The following NBAS variants were observed in gnomAD, a reference collection of about 807,000 sequenced individuals.
NBAS encodes the protein NAG/BC035112 fusion.
A neutral mutation model predicts 302.5 loss-of-function variants in NBAS; 219 were observed. The ratio of observed to expected loss-of-function variants is 0.72; its 90% CI spans 0.65 to 0.81. NBAS has a LOEUF of 0.81. NBAS is among the 30% of genes least tolerant of loss of function. The probability of loss-of-function intolerance (pLI) is 0.00; values close to 1 mark genes in which losing one functional copy is unlikely to be tolerated. For missense variants in NBAS, 2,932 were observed against 2,841.6 expected (o/e 1.03, Z -0.72); for synonymous variants, 1,118 against 1,021.6 (o/e 1.09, Z -1.80).
At chr2:15,128,954 A>T in the NBAS span, among the ~76,000 whole-genome samples, 1 of 152,176 alleles carries the variant, frequency 6.6e-6, no homozygotes, top group Admixed American at 6.5e-5. Flanking sequence ...GGAACTGTGG[A>T]GATAGAGGGA....
the NBAS span, among the ~76,000 whole-genome samples, chr2:15,052,933 G>A: frequency 2.0e-5 from 3 of 152,102 alleles, no homozygotes; most frequent in African/African-American, 7.2e-5. Flanking sequence ...AAATTCTGAA[G>A]GGGAAGAACA....
intron 9 of NBAS, among the ~76,000 whole-genome samples, chr2:15,529,876 T>G (rs1429532181): frequency 2.0e-5 from 3 of 152,240 alleles, no homozygotes; most frequent in African/African-American, 7.2e-5. Flanking sequence ...ATTTTATAAT[T>G]GTAATATGTT....
At chr2:15,429,691 G>A (rs368832002) in intron 21 of NBAS, among the ~76,000 whole-genome samples, 4 of 152,058 alleles carry the variant, frequency 2.6e-5, no homozygotes, top group African/African-American at 7.2e-5. Context: ...TTATTATATC[G>A]TGTATCTAAA....
Position 15,234,717 on chromosome 2 carries a change from C to G in NBAS, c.5974G>C (p.Asp1992His). ...ETLQKYSHLYDLSRSEKEKLH... is the reference protein window; with the variant it reads ...ETLQKYSHLYHLSRSEKEKLH... Reference sequence around the variant, plus strand: ...TTCTCTTTTTCTGATCGGGACAGATCATAGAGGTGACTGTATTTTTGCAGT... The same window carrying G: ...TTCTCTTTTTCTGATCGGGACAGATGATAGAGGTGACTGTATTTTTGCAGT... Residue 1992 changes from aspartate to histidine, a missense_variant, in exon 46 of 52, where the codon GAT becomes CAT. Transcript: ENST00000281513. 6.2e-7 allele frequency: 1 copy of G among 1,614,118 alleles called. No individual in the cohort carries two copies.
intron 34 of NBAS, 65 bp from the exon 35 acceptor site, chr2:15,352,146 T>A: frequency 8.8e-7 from 1 of 1,129,952 alleles, no homozygotes; most frequent in Non-Finnish European, 1.3e-6. Context: ...CATCACAATA[T>A]AGGCTTGAAA....
intron 42 of NBAS, among the ~76,000 whole-genome samples, chr2:15,286,288 T>C (rs1350626144): frequency 1.3e-5 from 2 of 152,154 alleles, no homozygotes; most frequent in Non-Finnish European, 2.9e-5. Flanking sequence ...ACCCTAACTT[T>C]CCTAACATCT....
At chr2:15,136,695 C>A in the NBAS span, among the ~76,000 whole-genome samples, 4 of 152,138 alleles carry the variant, frequency 2.6e-5, no homozygotes, top group South Asian at 8.3e-4. Context: ...GCTCTTTGTC[C>A]CCACCCAAAT....
At chr2:15,204,540 G>A (rs944674774) in intron 48 of NBAS, among the ~76,000 whole-genome samples, 3 of 152,050 alleles carry the variant, frequency 2.0e-5, no homozygotes, top group Admixed American at 1.3e-4. Context: ...AAATCATGCT[G>A]CTATAAAGAC....
Position 15,360,209 on chromosome 2 carries a change from C to T in NBAS, c.3818-3793G>A, listed in dbSNP as rs367563913. Among the ~76,000 whole-genome samples the T allele has an allele frequency of 1.5e-4, 22 of 151,574 alleles. No individual in the cohort carries two copies. In the South Asian group the frequency reaches 3.5e-3, roughly 24 times the overall value. ...TTGGGTGGTGAGTGAATGTGAAGGCCGAGGATATGACTGTACACTACTGCA... is the reference window on the plus strand; with the variant it reads ...TTGGGTGGTGAGTGAATGTGAAGGCTGAGGATATGACTGTACACTACTGCA... On this transcript the variant is annotated intron_variant, in intron 32 of 51. Transcript: ENST00000281513.
At chr2:15,194,367 C>T (rs1486011059) in intron 48 of NBAS, among the ~76,000 whole-genome samples, 1 of 151,952 alleles carries the variant, frequency 6.6e-6, no homozygotes, top group Non-Finnish European at 1.5e-5. Flanking sequence ...ATTTATTATC[C>T]AAAATCATGG....
the NBAS span, among the ~76,000 whole-genome samples, chr2:15,148,471 A>G: frequency 6.6e-6 from 1 of 152,166 alleles, no homozygotes; most frequent in Non-Finnish European, 1.5e-5. Flanking sequence ...GGAGAACAAG[A>G]TAGAGAAACA....
At chr2:14,910,068 T>G in the NBAS span, among the ~76,000 whole-genome samples, 1 of 152,152 alleles carries the variant, frequency 6.6e-6, no homozygotes, top group Non-Finnish European at 1.5e-5. Flanking sequence ...ATAATCAGTT[T>G]AGCGGGGAGA....
intron 6 of NBAS, among the ~76,000 whole-genome samples, chr2:15,551,147 A>C (rs1392555667): frequency 2.0e-5 from 3 of 152,158 alleles, no homozygotes; most frequent in Non-Finnish European, 4.4e-5. Context: ...TATATTTAAA[A>C]AATGGCCAAA....
intron 44 of NBAS, among the ~76,000 whole-genome samples, chr2:15,272,087 A>C (rs765442302): frequency 1.1e-4 from 16 of 152,234 alleles, no homozygotes; most frequent in Non-Finnish European, 2.1e-4. Flanking sequence ...CTGCAAATGT[A>C]AATGGCAATG....
chr2:15,526,052 A>G (rs1377452079), intron 9 of NBAS, among the ~76,000 whole-genome samples: 1 of 152,122 alleles, frequency 6.6e-6, no homozygotes, highest in Non-Finnish European at 1.5e-5. Flanking sequence ...TCCTCTAACA[A>G]TGCAGAGATC....
At chr2:15,464,675 C>G (rs978661885) in intron 19 of NBAS, among the ~76,000 whole-genome samples, 1 of 152,148 alleles carries the variant, frequency 6.6e-6, no homozygotes, top group East Asian at 1.9e-4. Context: ...AAAGGGCTAC[C>G]CCCAGCCACA....
At chr2:15,316,554 G>A (rs1037554280) in intron 38 of NBAS, among the ~76,000 whole-genome samples, 5 of 152,220 alleles carry the variant, frequency 3.3e-5, no homozygotes, top group African/African-American at 9.6e-5. Context: ...CTTAGCAACC[G>A]GCAGACAAGG....
At chr2:15,439,189 G>A (rs1413844285) in intron 21 of NBAS, among the ~76,000 whole-genome samples, 3 of 151,724 alleles carry the variant, frequency 2.0e-5, no homozygotes, top group African/African-American at 7.3e-5. Context: ...TGCAGTCCCA[G>A]CTACTTGGGA....
At chr2:15,425,732 T>A (rs770263465) in intron 22 of NBAS, among the ~76,000 whole-genome samples, 1 of 152,134 alleles carries the variant, frequency 6.6e-6, no homozygotes, top group Non-Finnish European at 1.5e-5. Context: ...CCTCCTGGCA[T>A]CTCTTACATC....
Sources: allele counts gnomAD v4.1 joint callset (sites outside exome capture counted in the v4.1 genomes callset), GRCh38; gene constraint gnomAD v4.1.1; transcripts MANE v1.5; gene names NCBI Gene and HGNC (gene_info 2026-07-23, HGNC 2026-07-21).